KIAA0319L: variants seen among roughly 807,000 people sequenced by gnomAD.
The protein encoded by KIAA0319L is KIAA0319 like, also known as dyslexia-associated protein KIAA0319-like protein.
Under a neutral mutation model 120.1 loss-of-function variants are expected in KIAA0319L, and 55 were observed. The ratio of observed to expected loss-of-function variants is 0.46; its 90% CI spans 0.37 to 0.57. KIAA0319L has a LOEUF of 0.57. KIAA0319L is among the 20% of genes least tolerant of loss of function. The probability of loss-of-function intolerance (pLI) is 0.00; values close to 1 mark genes in which losing one functional copy is unlikely to be tolerated. For synonymous variants in KIAA0319L, 398 were observed against 471.9 expected (o/e 0.84, Z 2.03); for missense variants, 1,049 against 1,255.3 (o/e 0.84, Z 2.48).
At chr1:35,496,319 C>T (rs1644805115) in intron 3 of KIAA0319L, among the ~76,000 whole-genome samples, 1 of 152,100 alleles carries the variant, frequency 6.6e-6, no homozygotes, top group Admixed American at 6.5e-5. Flanking sequence ...ACTCAGGAGA[C>T]TGAGGCAGGA....
intron 1 of KIAA0319L, among the ~76,000 whole-genome samples, chr1:35,555,453 A>C (rs1431008756): frequency 6.6e-6 from 1 of 152,192 alleles, no homozygotes; most frequent in Non-Finnish European, 1.5e-5. Context: ...AGACATACAC[A>C]CAGCTGCAAA....
chr1:35,501,160 TG>T (rs1019241125), intron 3 of KIAA0319L, among the ~76,000 whole-genome samples: 6 of 152,168 alleles, frequency 3.9e-5, no homozygotes, highest in Non-Finnish European at 8.8e-5. Context: ...TGCCCACTAA[TG>T]GTAAACTAGA....
At chr1:35,523,720 CCTCCCAA>C (rs1558585517) in intron 2 of KIAA0319L, among the ~76,000 whole-genome samples, 1 of 152,188 alleles carries the variant, frequency 6.6e-6, no homozygotes, top group Non-Finnish European at 1.5e-5. Flanking sequence ...ATTAACCCTA[CCTCCCAA>C]CTCAGAGATA....
chr1:35,444,639 CAAG>C (rs1641484103), intron 16 of KIAA0319L, among the ~76,000 whole-genome samples: 1 of 152,184 alleles, frequency 6.6e-6, no homozygotes, highest in African/African-American at 2.4e-5. Context: ...ATTCCTCCAG[CAAG>C]AAGACCCATA....
intron 2 of KIAA0319L, among the ~76,000 whole-genome samples, chr1:35,527,558 A>G (rs1333481407): frequency 6.6e-6 from 1 of 152,066 alleles, no homozygotes; most frequent in Non-Finnish European, 1.5e-5. Flanking sequence ...GAGACTTTTT[A>G]TTATTGATTC....
intron 2 of KIAA0319L, among the ~76,000 whole-genome samples, chr1:35,516,691 G>A (rs1645694218): frequency 6.6e-6 from 1 of 152,144 alleles, no homozygotes; most frequent in Admixed American, 6.5e-5. Context: ...CACAGTATTA[G>A]AAATCCTAGA....
chr1:35,456,276 G>T, intron 9 of KIAA0319L, 35 bp from the exon 10 acceptor site: 1 of 1,362,320 alleles, frequency 7.3e-7, no homozygotes, highest in South Asian at 1.4e-5. Flanking sequence ...GATCAGGGAC[G>T]GGTTTAAGGA....
At chr1:35,443,057 C>A in intron 17 of KIAA0319L, 29 bp from the exon 18 acceptor site, 1 of 1,613,812 alleles carries the variant, frequency 6.2e-7, no homozygotes, top group South Asian at 1.1e-5. Flanking sequence ...GGAAGAAAGT[C>A]AACAAGACTC....
Position 35,454,296 on chromosome 1 carries a change from C to T in KIAA0319L, c.1780+66G>A, listed in dbSNP as rs1642278838. On this transcript the variant is annotated intron_variant, in intron 11 of 20. Transcript: ENST00000325722. ...CCCTCATACAGCTCAGAACCCAACA[C>T]TCTTTTCCCCCAAGGTTAAATGGAC... 3.8e-6 allele frequency: 6 copies of T among 1,583,752 alleles called. No homozygotes were observed. In the South Asian group the frequency reaches 6.7e-5, roughly 18 times the overall value.
chr1:35,493,270 T>C (rs1320595213), intron 3 of KIAA0319L, among the ~76,000 whole-genome samples: 1 of 152,184 alleles, frequency 6.6e-6, no homozygotes. Context: ...CACTGGGTTC[T>C]TTAAAAACAT....
intron 3 of KIAA0319L, among the ~76,000 whole-genome samples, chr1:35,491,145 T>C (rs908935907): frequency 1.3e-4 from 20 of 152,288 alleles, no homozygotes; most frequent in African/African-American, 4.6e-4. Flanking sequence ...AAGAAAAGAT[T>C]AGTAACCTTA....
intron 2 of KIAA0319L, among the ~76,000 whole-genome samples, chr1:35,531,648 G>A (rs551513027): frequency 1.4e-4 from 22 of 152,304 alleles, no homozygotes; most frequent in African/African-American, 1.9e-4. Context: ...TGGTGAGAAC[G>A]TGGACTGTTG....
intron 20 of KIAA0319L, 189 bp from the exon 21 acceptor site, chr1:35,435,270 C>A: frequency 1.7e-6 from 1 of 597,718 alleles, no homozygotes; most frequent in Non-Finnish European, 3.0e-6. Flanking sequence ...GAACAGTCCA[C>A]TAAGGGGTGT....
chr1:35,542,556 A>G (rs866533711), intron 2 of KIAA0319L, among the ~76,000 whole-genome samples: 1 of 152,216 alleles, frequency 6.6e-6, no homozygotes, highest in Non-Finnish European at 1.5e-5. Flanking sequence ...GATCAGAAAG[A>G]AAGTTCAAAA....
chr1:35,475,916 G>A (rs569050125), intron 4 of KIAA0319L, among the ~76,000 whole-genome samples: 5 of 152,052 alleles, frequency 3.3e-5, no homozygotes, highest in African/African-American at 7.2e-5. Context: ...ACAAAGCCAC[G>A]GTCTACTCTC....
intron 8 of KIAA0319L, among the ~76,000 whole-genome samples, chr1:35,461,057 T>C (rs1426882960): frequency 6.6e-6 from 1 of 152,208 alleles, no homozygotes; most frequent in Non-Finnish European, 1.5e-5. Flanking sequence ...TGGTCATCAA[T>C]AGAGATTGAC....
chr1:35,535,467 TC>T (rs1646539403), intron 2 of KIAA0319L, among the ~76,000 whole-genome samples: 1 of 152,204 alleles, frequency 6.6e-6, no homozygotes, highest in Non-Finnish European at 1.5e-5. Context: ...AAGCTGAGAT[TC>T]CTGCATTTGA....
In KIAA0319L at chr1:35,433,687, A is replaced by C. The variant is rs1035464273; in HGVS notation, c.*1207T>G. 13 of 152,448 alleles carry C rather than the reference A, an allele frequency of 8.5e-5. No homozygotes were observed. In the East Asian group the frequency reaches 2.5e-3, roughly 29 times the overall value. 9.4% of individuals were successfully genotyped at this position (152,448 alleles called of 1,614,324 possible). On this transcript the variant is annotated 3_prime_UTR_variant, in exon 21 of 21. Coordinates refer to ENST00000325722, the MANE Select transcript of KIAA0319L (RefSeq NM_024874.5). ...GGAGATGAAAGTCTTTCCAAGTCAA[A>C]TTTGCCTTGTGAGCAGCCAAGAGCC...
At position 35,434,793 on chromosome 1, in the gene KIAA0319L, G is replaced by T; in HGVS notation, c.*101C>A. The T allele has an allele frequency of 9.5e-7, 1 of 1,047,482 alleles. No individual in the cohort carries two copies. The highest frequency in any genetic ancestry group is 1.4e-6 in the Non-Finnish European group (1 of 721,698). The allele number at this position is 1,047,482 out of a possible 1,614,324, so 64.9% of individuals were successfully genotyped here. Reference sequence around the variant, plus strand: ...CTGGTTGGGACTGTCAGGGCGAAATGACCAGCAGATGCTGGGACAGCAGCT... The same window carrying T: ...CTGGTTGGGACTGTCAGGGCGAAATTACCAGCAGATGCTGGGACAGCAGCT... On this transcript the variant is annotated 3_prime_UTR_variant, in exon 21 of 21. Coordinates refer to ENST00000325722, the MANE Select transcript of KIAA0319L (RefSeq NM_024874.5).
Sources: allele counts gnomAD v4.1 joint callset (sites outside exome capture counted in the v4.1 genomes callset), GRCh38; gene constraint gnomAD v4.1.1; transcripts MANE v1.5; gene names NCBI Gene and HGNC (gene_info 2026-07-23, HGNC 2026-07-21).